The following HIP1 variants were observed in gnomAD, a reference collection of about 807,000 sequenced individuals.
HIP1 encodes the protein huntingtin interacting protein 1, also known as huntingtin-interacting protein 1.
In HIP1, 65 loss-of-function variants were observed where a neutral mutation model predicts 147.6. The observed-to-expected ratio is 0.44, with a 90% CI of 0.36 to 0.54. The LOEUF (loss-of-function observed/expected upper bound fraction) is 0.54, where lower values mean the gene tolerates loss of function less well. HIP1 is among the 20% of genes least tolerant of loss of function. HIP1 has a pLI of 0.00. For missense variants in HIP1, 1,061 were observed against 1,299.6 expected (o/e 0.82, Z 2.82); for synonymous variants, 479 against 504.0 (o/e 0.95, Z 0.67).
intron 1 of HIP1, among the ~76,000 whole-genome samples, chr7:75,716,490 A>T (rs1801322562): frequency 6.8e-6 from 1 of 148,064 alleles, no homozygotes; most frequent in African/African-American, 2.5e-5. Flanking sequence ...CCAAAGTGCT[A>T]GGATTACAGG....
At chr7:75,690,109 C>CA (rs34872874) in intron 1 of HIP1, among the ~76,000 whole-genome samples, 1 of 152,112 alleles carries the variant, frequency 6.6e-6, no homozygotes, top group Admixed American at 6.6e-5. Context: ...CCAATTTTTA[C>CA]AAAAAAATTT....
In HIP1 at chr7:75,538,121, A is replaced by C. The variant is rs782709254; in HGVS notation, c.*51T>G. On this transcript the variant is annotated 3_prime_UTR_variant, in exon 31 of 31. Transcript: ENST00000336926. Reference sequence around the variant, plus strand: ...GCCTGTGGCTGGGGAAATAACACACACGAGATAGGTAACAAGGATTTACAC... The same window carrying C: ...GCCTGTGGCTGGGGAAATAACACACCCGAGATAGGTAACAAGGATTTACAC... The C allele has an allele frequency of 2.6e-5, 38 of 1,470,376 alleles. No individual in the cohort carries two copies. The highest frequency in any genetic ancestry group is 3.5e-5 in the Non-Finnish European group (37 of 1,049,208). The allele number at this position is 1,470,376 out of a possible 1,614,324, so 91.1% of individuals were successfully genotyped here.
Position 75,538,048 on chromosome 7 carries a change from A to G in HIP1, c.*124T>C. 3 of 788,254 alleles carry G rather than the reference A, an allele frequency of 3.8e-6. No individual in the cohort carries two copies. The highest frequency in any genetic ancestry group is 4.6e-6 in the Non-Finnish European group (2 of 434,356). The allele number at this position is 788,254 out of a possible 1,614,324, so 48.8% of individuals were successfully genotyped here. ...TGGAAGTGTCATGCATGTCCTCGGC[A>G]CTGGGTAATGGCAGTGGTGTGGCTG... On this transcript the variant is annotated 3_prime_UTR_variant, in exon 31 of 31. Coordinates refer to ENST00000336926, the MANE Select transcript of HIP1 (RefSeq NM_005338.7).
rs930906747 is a variant in HIP1 at position 75,542,613 on chromosome 7, C to T, written c.2890+238G>A. ...ACTCGGGAAGCTGAGGCAGGAGAAT[C>T]GTGTGAACCAGGGAGGTGGAGGTTG... On this transcript the variant is annotated intron_variant, in intron 28 of 30. Transcript: ENST00000336926. 7.2e-5 allele frequency among the ~76,000 whole-genome samples: 11 copies of T among 152,004 alleles called. No individual in the cohort carries two copies. The East Asian group carries it at 1.9e-3, about 27-fold the overall frequency.
chr7:75,555,532 G>T lies in HIP1; in HGVS notation c.1847C>A (p.Ala616Asp). The T allele has an allele frequency of 6.2e-7, 1 of 1,614,198 alleles. No individual in the cohort carries two copies. Among genetic ancestry groups the T allele is most frequent in the Non-Finnish European group, 8.5e-7 (1 of 1,180,042 alleles). The change falls in exon 19 of 31, where the codon GCC (alanine) becomes GAC (aspartate). Residue 616 changes from alanine (A) to aspartate (D), a missense_variant. Physicochemically the swap from Ala to Asp is moderately radical, Grantham distance 126. Coordinates refer to ENST00000336926, the MANE Select transcript of HIP1 (RefSeq NM_005338.7). ...ASTEESMCQL[A>D]KDQRKMLLVG... Reference sequence around the variant, plus strand: ...CAGAAGCATTTTTCGTTGGTCTTTGGCAAGCTGGCACATAGATTCCTAAAA... The same window carrying T: ...CAGAAGCATTTTTCGTTGGTCTTTGTCAAGCTGGCACATAGATTCCTAAAA...
intron 22 of HIP1, among the ~76,000 whole-genome samples, chr7:75,551,648 C>T (rs1794787686): frequency 6.6e-6 from 1 of 152,094 alleles, no homozygotes; most frequent in Non-Finnish European, 1.5e-5. Flanking sequence ...CGGTTCACTG[C>T]AGTCTTGAGC....
intron 30 of HIP1, among the ~76,000 whole-genome samples, chr7:75,538,666 C>T (rs1276995269): frequency 6.6e-6 from 1 of 151,518 alleles, no homozygotes; most frequent in Non-Finnish European, 1.5e-5. Flanking sequence ...GCTCCGCCTC[C>T]CGGGTTCACG....
At chr7:75,627,143 G>T (rs1317018194) in intron 1 of HIP1, among the ~76,000 whole-genome samples, 1 of 152,078 alleles carries the variant, frequency 6.6e-6, no homozygotes, top group African/African-American at 2.4e-5. Flanking sequence ...ACAGCATCAG[G>T]GTCCAGTGCA....
At chr7:75,723,572 G>A (rs983312190) in intron 1 of HIP1, among the ~76,000 whole-genome samples, 6 of 110,918 alleles carry the variant, frequency 5.4e-5, no homozygotes, top group South Asian at 2.5e-4. Flanking sequence ...CGAGGTCCCC[G>A]TCTCCTTGCT....
chr7:75,678,675 C>T (rs560762012), intron 1 of HIP1, among the ~76,000 whole-genome samples: 1 of 152,240 alleles, frequency 6.6e-6, no homozygotes, highest in South Asian at 2.1e-4. Context: ...GTACAGGGCA[C>T]CAGGCACAGC....
chr7:75,734,739 C>T (rs1801962803), intron 1 of HIP1, among the ~76,000 whole-genome samples: 1 of 152,122 alleles, frequency 6.6e-6, no homozygotes, highest in African/African-American at 2.4e-5. Flanking sequence ...AATGAGTCTC[C>T]ACTGCACCCG....
At chr7:75,653,646 C>A (rs1554512259) in intron 1 of HIP1, among the ~76,000 whole-genome samples, 1 of 151,908 alleles carries the variant, frequency 6.6e-6, no homozygotes, top group African/African-American at 2.4e-5. Flanking sequence ...ATCACCTGAG[C>A]TCAGGAGTTT....
intron 5 of HIP1, 152 bp downstream of exon 5, chr7:75,586,601 C>T: frequency 1.6e-6 from 1 of 627,372 alleles, no homozygotes; most frequent in Non-Finnish European, 2.9e-6. Context: ...GGTGGCTTTC[C>T]TCTCTCACAG....
intron 1 of HIP1, among the ~76,000 whole-genome samples, chr7:75,599,927 C>G (rs1256966086): frequency 6.6e-6 from 1 of 151,486 alleles, no homozygotes; most frequent in Admixed American, 6.6e-5. Context: ...CCTCTGCCTC[C>G]CGGGTTCAAG....
intron 1 of HIP1, among the ~76,000 whole-genome samples, chr7:75,633,292 C>A (rs1427199253): frequency 6.6e-6 from 1 of 152,038 alleles, no homozygotes; most frequent in Non-Finnish European, 1.5e-5. Flanking sequence ...ATCTATTTCA[C>A]TCGTGTTTTT....
intron 1 of HIP1, among the ~76,000 whole-genome samples, chr7:75,724,296 G>A (rs1325308426): frequency 2.0e-5 from 3 of 151,446 alleles, no homozygotes; most frequent in African/African-American, 7.3e-5. Context: ...TCGCCAGGCT[G>A]GAGTGCAGCG....
intron 1 of HIP1, among the ~76,000 whole-genome samples, chr7:75,719,007 G>A (rs1019378338): frequency 6.6e-6 from 1 of 152,036 alleles, no homozygotes; most frequent in African/African-American, 2.4e-5. Context: ...CTGTGCCAAA[G>A]AGTACCCTAG....
rs538169292 is a variant in HIP1 at position 75,712,988 on chromosome 7, A to C, written c.120+25813T>G. Among the ~76,000 whole-genome samples the C allele has an allele frequency of 3.3e-5, 5 of 152,294 alleles. No individual in the cohort carries two copies. In the East Asian group the frequency reaches 9.6e-4, roughly 29 times the overall value. On this transcript the variant is annotated intron_variant, in intron 1 of 30. Transcript: ENST00000336926. ...CATTCACTCACTCATTTACTTATCC[A>C]TTTGGTCACTTACTTATTCATTCAC... is the stretch of plus-strand genomic sequence containing the variant.
At chr7:75,647,915 T>C (rs1490346525) in intron 1 of HIP1, among the ~76,000 whole-genome samples, 1 of 152,264 alleles carries the variant, frequency 6.6e-6, no homozygotes, top group African/African-American at 2.4e-5. Flanking sequence ...GTGAGTTCTA[T>C]GCTGGAAGCA....
Sources: gnomAD v4.1 joint callset for allele counts (sites outside exome capture counted in the v4.1 genomes callset) on GRCh38, gnomAD v4.1.1 for gene constraint, MANE v1.5 for transcripts, NCBI Gene and HGNC (gene_info 2026-07-23, HGNC 2026-07-21) for gene names.